The following PIWIL2 variants were observed in gnomAD, a reference collection of about 807,000 sequenced individuals.
PIWIL2 encodes piwi-like protein 2.
PIWIL2 carries 81 observed loss-of-function variants against 116.5 expected under a neutral mutation model. That is an observed-to-expected ratio of 0.70 (90% CI 0.58 to 0.84). The LOEUF (loss-of-function observed/expected upper bound fraction) is 0.84, where lower values mean the gene tolerates loss of function less well. Ranked by LOEUF, PIWIL2 falls within the 40% of genes least tolerant of loss-of-function variation. The probability of loss-of-function intolerance (pLI) is 0.00; values close to 1 mark genes in which losing one functional copy is unlikely to be tolerated. For missense variants in PIWIL2, 1,272 were observed against 1,212.3 expected (o/e 1.05, Z -0.73); for synonymous variants, 489 against 429.5 (o/e 1.14, Z -1.71).
chr8:22,325,165 C>A (rs1831693591), intron 20 of PIWIL2, among the ~76,000 whole-genome samples: 1 of 152,162 alleles, frequency 6.6e-6, no homozygotes, highest in South Asian at 2.1e-4. Context: ...GTACCACATC[C>A]TGCCCCCAGG....
In PIWIL2 at chr8:22,279,507, A is replaced by G. The variant is rs748725711; in HGVS notation, c.121A>G (p.Arg41Gly). 3 of 1,614,072 alleles carry G rather than the reference A, an allele frequency of 1.9e-6. No homozygotes were observed. In the Admixed American group the frequency reaches 5.0e-5, roughly 27 times the overall value. ...TAAACCTTTGGACCCAGCTCTGGGC[A>G]GGGGAGCACCTGCAGGCAGAGGCCA... ...ASKPLDPALG[R>G]GAPAGRGHVF... The change falls in exon 2 of 23, where the codon AGG becomes GGG. Residue 41 changes from arginine to glycine, a missense_variant. By Grantham distance (125) the Arg-to-Gly change is moderately radical (BLOSUM62 -2). Transcript: ENST00000356766.
chr8:22,344,847 G>A (rs1472380365), intron 20 of PIWIL2, among the ~76,000 whole-genome samples: 1 of 152,152 alleles, frequency 6.6e-6, no homozygotes, highest in Non-Finnish European at 1.5e-5. Flanking sequence ...CTGCACTCCA[G>A]CCTTGGTGAC....
At chr8:22,284,952 A>G (rs1202756218) in intron 6 of PIWIL2, among the ~76,000 whole-genome samples, 1 of 152,192 alleles carries the variant, frequency 6.6e-6, no homozygotes, top group African/African-American at 2.4e-5. Flanking sequence ...ATGAAGTCTC[A>G]GTTTTTTTAA....
At chr8:22,321,269 C>A (rs116498811) in intron 20 of PIWIL2, among the ~76,000 whole-genome samples, 3,292 of 151,962 alleles carry the variant, frequency 0.022, 126 homozygotes, top group African/African-American at 0.075. Flanking sequence ...TGCCACCAAG[C>A]CTGGCTAATT....
Position 22,311,211 on chromosome 8 carries a change from A to C in PIWIL2, c.1900A>C (p.Met634Leu). The change falls in exon 16 of 23, where the codon ATG becomes CTG. Residue 634 changes from methionine (M) to leucine (L), a missense_variant. By Grantham distance (15) the Met-to-Leu change is conservative (BLOSUM62 2). Transcript: ENST00000356766. ...MLEKIAGPIG[M>L]RMSPPAWVEL... ...GGAGAAGATAGCCGGCCCCATTGGC[A>C]TGCGTATGAGCCCACCGGCCTGGGT... 2 of 1,614,228 alleles carry C rather than the reference A, an allele frequency of 1.2e-6. No homozygotes were observed. The highest frequency in any genetic ancestry group is 1.7e-6 in the Non-Finnish European group (2 of 1,180,018).
intron 13 of PIWIL2, among the ~76,000 whole-genome samples, chr8:22,307,722 A>G (rs1258997522): frequency 2.0e-5 from 3 of 152,046 alleles, no homozygotes; most frequent in Non-Finnish European, 4.4e-5. Context: ...CCTGGGCTCA[A>G]GCGATCCACC....
chr8:22,317,335 C>T (rs1001621936), intron 19 of PIWIL2, among the ~76,000 whole-genome samples: 1 of 152,152 alleles, frequency 6.6e-6, no homozygotes. Context: ...TGTATATATA[C>T]TTTCAGATTC....
intron 20 of PIWIL2, among the ~76,000 whole-genome samples, chr8:22,321,195 T>G (rs1374195534): frequency 6.6e-6 from 1 of 152,134 alleles, no homozygotes; most frequent in Non-Finnish European, 1.5e-5. Flanking sequence ...AAAAGAATTT[T>G]TTTTTTTTTG....
At chr8:22,308,197 GTTT>G (rs375154486) in intron 14 of PIWIL2, 124 bp downstream of exon 14, 216 of 527,256 alleles carry the variant, frequency 4.1e-4, no homozygotes, top group South Asian at 1.0e-3. Flanking sequence ...ATTTTTCTAA[GTTT>G]TTTTTTTTTT....
At chr8:22,283,349 A>G (rs989218247) in intron 5 of PIWIL2, 109 bp downstream of exon 5, 3 of 782,644 alleles carry the variant, frequency 3.8e-6, no homozygotes, top group African/African-American at 1.7e-5. Context: ...TCCCTGGGTA[A>G]TAATACTGCG....
At chr8:22,304,893 A>T (rs199672610) in intron 12 of PIWIL2, 25 bp downstream of exon 12, 2 of 1,470,746 alleles carry the variant, frequency 1.4e-6, no homozygotes, top group African/African-American at 1.4e-5. Flanking sequence ...CAGGCTTACA[A>T]TTCCAGCTTA....
intron 10 of PIWIL2, among the ~76,000 whole-genome samples, chr8:22,294,757 T>A (rs1830852251): frequency 6.6e-6 from 1 of 150,828 alleles, no homozygotes; most frequent in Admixed American, 6.6e-5. Flanking sequence ...CTTTCCATAT[T>A]TATTGAAATG....
At chr8:22,342,698 G>A (rs1832138600) in intron 20 of PIWIL2, among the ~76,000 whole-genome samples, 1 of 152,074 alleles carries the variant, frequency 6.6e-6, no homozygotes, top group Non-Finnish European at 1.5e-5. Flanking sequence ...GTGGCTTTGG[G>A]TTTGGTGATT....
chr8:22,313,399 C>T (rs945067830), intron 16 of PIWIL2, among the ~76,000 whole-genome samples: 1 of 152,152 alleles, frequency 6.6e-6, no homozygotes, highest in African/African-American at 2.4e-5. Context: ...GGCCAAAAAC[C>T]TGGAATTGCA....
chr8:22,344,685 A>C (rs1463624391), intron 20 of PIWIL2, among the ~76,000 whole-genome samples: 1 of 152,076 alleles, frequency 6.6e-6, no homozygotes, highest in East Asian at 1.9e-4. Flanking sequence ...TGGGCCACAT[A>C]GGGAGACCCC....
intron 20 of PIWIL2, among the ~76,000 whole-genome samples, chr8:22,348,764 A>T (rs927239467): frequency 6.6e-6 from 1 of 152,212 alleles, no homozygotes; most frequent in Non-Finnish European, 1.5e-5. Flanking sequence ...AGAAAAACAC[A>T]TTTAAGAGTT....
chr8:22,356,898 C>T lies in PIWIL2; in HGVS notation c.*1393C>T, dbSNP rs1292279898. 6 of 152,056 alleles carry T rather than the reference C, an allele frequency of 3.9e-5. No individual in the cohort carries two copies. Among genetic ancestry groups the T allele is most frequent in the Non-Finnish European group, 8.8e-5 (6 of 68,020 alleles). 9.4% of individuals were successfully genotyped at this position (152,056 alleles called of 1,614,324 possible). A position where few individuals can be genotyped will look rare whatever the true frequency, so the allele number is the denominator to read the frequency against. Reference sequence around the variant, plus strand: ...TTTTAGAATCTTCTCCCAGTCCCTTCGGGCCTAGTTCTGTCTCATCTTGCT... The same window carrying T: ...TTTTAGAATCTTCTCCCAGTCCCTTTGGGCCTAGTTCTGTCTCATCTTGCT... On this transcript the variant is annotated 3_prime_UTR_variant, in exon 23 of 23. Coordinates refer to ENST00000356766, the MANE Select transcript of PIWIL2 (RefSeq NM_018068.5).
chr8:22,285,319 T>A (rs1382183414), intron 6 of PIWIL2, among the ~76,000 whole-genome samples: 1 of 152,230 alleles, frequency 6.6e-6, no homozygotes, highest in Non-Finnish European at 1.5e-5. Context: ...TGAGATCAGA[T>A]GGTATTTGTC....
rs1830489821 is a variant in PIWIL2, at chr8:22,281,159, A to G, written c.238A>G (p.Ile80Val). ...GLVSMFRGLG[I>V]ETVSKTPLKR... Reference sequence around the variant, plus strand: ...GGTCTCCATGTTCCGAGGCCTGGGCATTGAAACAGTTTCTAAGACCCCTCT... The same window carrying G: ...GGTCTCCATGTTCCGAGGCCTGGGCGTTGAAACAGTTTCTAAGACCCCTCT... The change falls in exon 3 of 23, where the codon ATT becomes GTT. Residue 80 changes from isoleucine (I) to valine (V), a missense_variant. Coordinates refer to ENST00000356766, the MANE Select transcript of PIWIL2 (RefSeq NM_018068.5). 3.1e-6 allele frequency: 5 copies of G among 1,613,008 alleles called. No homozygotes were observed. Among genetic ancestry groups the G allele is most frequent in the Non-Finnish European group, 4.2e-6 (5 of 1,179,558 alleles).
Sources: allele counts gnomAD v4.1 joint callset (sites outside exome capture counted in the v4.1 genomes callset), GRCh38; gene constraint gnomAD v4.1.1; transcripts MANE v1.5; gene names NCBI Gene and HGNC (gene_info 2026-07-23, HGNC 2026-07-21).